ADGRV1: variants seen among roughly 807,000 people sequenced by gnomAD.
The protein encoded by ADGRV1 is adhesion G protein-coupled receptor V1.
ADGRV1 carries 359 observed loss-of-function variants against 596.2 expected under a neutral mutation model. The ratio of observed to expected loss-of-function variants is 0.60; its 90% CI spans 0.55 to 0.66. The LOEUF (loss-of-function observed/expected upper bound fraction) is 0.66, where lower values mean the gene tolerates loss of function less well. Among genes scored for constraint, ADGRV1 ranks in the 30% least tolerant of loss-of-function variants. The pLI is 0.00. For missense variants in ADGRV1, 7,274 were observed against 7,575.6 expected (o/e 0.96, Z 1.48); for synonymous variants, 2,681 against 2,679.2 (o/e 1.00, Z -0.02).
intron 27 of ADGRV1, 116 bp downstream of exon 27, chr5:90,681,570 C>A: frequency 2.0e-6 from 2 of 980,782 alleles, no homozygotes; most frequent in Non-Finnish European, 1.4e-6. Flanking sequence ...GGGGAATGAG[C>A]CTATTGGCAC....
At chr5:91,127,540 C>A (rs75506463) in intron 87 of ADGRV1, among the ~76,000 whole-genome samples, 716 of 125,406 alleles carry the variant, frequency 5.7e-3, no homozygotes, top group Non-Finnish European at 6.3e-3. Context: ...CCAGTCTCAC[C>A]AAAAAAAAAA....
intron 87 of ADGRV1, among the ~76,000 whole-genome samples, chr5:91,115,878 C>A (rs990947508): frequency 2.0e-5 from 3 of 152,022 alleles, no homozygotes; most frequent in Non-Finnish European, 4.4e-5. Context: ...ACACTGGAGG[C>A]GGAGGTGGCA....
Position 90,644,862 on chromosome 5 carries a change from C to T in ADGRV1, c.2891C>T (p.Pro964Leu), listed in dbSNP as rs1561446969. The T allele has an allele frequency of 1.3e-6, 2 of 1,592,142 alleles. No individual in the cohort carries two copies. ...AAAAATATCACCATTTACTCCCTTC[C>T]AGATGAGGTAAATATTGCATATAAC... ...FSKNITIYSL[P>L]DEIPEEMEEF... The change falls in exon 15 of 90, where the codon CCA (proline) becomes CTA (leucine). Residue 964 changes from proline (P) to leucine (L), a missense_variant. Transcript: ENST00000405460.
At chr5:90,697,904 G>A (rs575435486) in intron 34 of ADGRV1, among the ~76,000 whole-genome samples, 9 of 152,266 alleles carry the variant, frequency 5.9e-5, no homozygotes, top group Non-Finnish European at 1.3e-4. Context: ...AAAGGATATA[G>A]ATTGTGTACT....
chr5:90,651,094 C>T lies in ADGRV1; in HGVS notation c.3290-510C>T, dbSNP rs1768547762. On this transcript the variant is annotated intron_variant, in intron 17 of 89. Coordinates refer to ENST00000405460, the MANE Select transcript of ADGRV1 (RefSeq NM_032119.4). ...TACTTTGTTCTATGTACAACCAGAT[C>T]AAACTTTGCTGCCTGAAGGCAGAGA... is the stretch of plus-strand genomic sequence containing the variant. 2.6e-5 allele frequency among the ~76,000 whole-genome samples: 4 copies of T among 152,112 alleles called. No individual in the cohort carries two copies. In the South Asian group the frequency reaches 8.3e-4, roughly 32 times the overall value.
chr5:90,842,365 A>T (rs1054700721), intron 78 of ADGRV1, among the ~76,000 whole-genome samples: 3 of 152,174 alleles, frequency 2.0e-5, no homozygotes, highest in African/African-American at 7.2e-5. Context: ...ATATATGAAG[A>T]TACTTAAATA....
intron 17 of ADGRV1, among the ~76,000 whole-genome samples, chr5:90,648,057 C>G (rs1291797419): frequency 3.3e-5 from 5 of 152,102 alleles, no homozygotes; most frequent in Non-Finnish European, 7.4e-5. Context: ...AGTAACAGGA[C>G]TTGGGAATAC....
intron 77 of ADGRV1, 93 bp downstream of exon 77, chr5:90,829,279 T>C: frequency 9.3e-7 from 1 of 1,073,518 alleles, no homozygotes; most frequent in Non-Finnish European, 1.3e-6. Flanking sequence ...ATACATTATT[T>C]TCTGAGGATA....
chr5:91,017,212 A>G (rs1581799024), intron 85 of ADGRV1, among the ~76,000 whole-genome samples: 1 of 151,978 alleles, frequency 6.6e-6, no homozygotes, highest in South Asian at 2.1e-4. Flanking sequence ...CTGTCTTGCA[A>G]TACTGATTGA....
intron 21 of ADGRV1, among the ~76,000 whole-genome samples, chr5:90,665,580 A>G (rs1333948828): frequency 6.6e-6 from 1 of 150,626 alleles, no homozygotes; most frequent in East Asian, 2.0e-4. Context: ...GGATTCATTA[A>G]TTTTTTGAAG....
chr5:91,068,742 T>C (rs1001671222), intron 85 of ADGRV1, among the ~76,000 whole-genome samples: 1 of 151,676 alleles, frequency 6.6e-6, no homozygotes, highest in African/African-American at 2.4e-5. Flanking sequence ...GCTATTCCTA[T>C]CAAACTACCA....
chr5:90,771,601 A>T (rs576115958), intron 59 of ADGRV1, among the ~76,000 whole-genome samples: 2 of 152,338 alleles, frequency 1.3e-5, no homozygotes, highest in Non-Finnish European at 1.5e-5. Flanking sequence ...TTAAATTTTT[A>T]AAATTCAACA....
chr5:90,682,530 T>C (rs1745075416), intron 27 of ADGRV1, among the ~76,000 whole-genome samples: 2 of 152,254 alleles, frequency 1.3e-5, no homozygotes, highest in South Asian at 4.1e-4. Flanking sequence ...GGATTCATTG[T>C]TCAGTGACTC....
chr5:90,837,486 T>A (rs1351838054), intron 77 of ADGRV1, among the ~76,000 whole-genome samples: 2 of 151,680 alleles, frequency 1.3e-5, no homozygotes, highest in African/African-American at 2.4e-5. Flanking sequence ...TTCTCCCGGC[T>A]CAGTCTCTCG....
intron 85 of ADGRV1, among the ~76,000 whole-genome samples, chr5:91,053,912 A>G (rs1487064466): frequency 6.6e-6 from 1 of 152,220 alleles, no homozygotes; most frequent in Non-Finnish European, 1.5e-5. Context: ...TGCTTAATAA[A>G]TGCATATACA....
intron 81 of ADGRV1, among the ~76,000 whole-genome samples, chr5:90,855,064 G>A (rs1012435293): frequency 6.6e-6 from 1 of 152,072 alleles, no homozygotes; most frequent in Non-Finnish European, 1.5e-5. Flanking sequence ...GAAGTTTTAG[G>A]TCCTTAAAAA....
intron 17 of ADGRV1, 72 bp from the exon 18 acceptor site, chr5:90,651,532 A>T (rs1323004317): frequency 1.6e-6 from 2 of 1,249,150 alleles, no homozygotes; most frequent in Non-Finnish European, 2.2e-6. Context: ...AAACTTTCTT[A>T]ATTTAAAAGT....
intron 85 of ADGRV1, among the ~76,000 whole-genome samples, chr5:91,030,686 A>G (rs1371308496): frequency 2.6e-5 from 4 of 152,194 alleles, no homozygotes; most frequent in Non-Finnish European, 5.9e-5. Context: ...TTTCTGAATC[A>G]TCACTATGTT....
chr5:90,893,921 C>T (rs1433232700), intron 83 of ADGRV1, among the ~76,000 whole-genome samples: 2 of 152,092 alleles, frequency 1.3e-5, no homozygotes, highest in Non-Finnish European at 2.9e-5. Context: ...TGTATCTTAA[C>T]AATTAATGTT....
Sources: gnomAD v4.1 joint callset for allele counts (sites outside exome capture counted in the v4.1 genomes callset) on GRCh38, gnomAD v4.1.1 for gene constraint, MANE v1.5 for transcripts, NCBI Gene and HGNC (gene_info 2026-07-23, HGNC 2026-07-21) for gene names.